Variants in ZBTB21 observed in about 807,000 individuals in gnomAD.
The protein encoded by ZBTB21 is zinc finger and BTB domain containing 21, also known as zinc finger and BTB domain-containing protein 21.
ZBTB21 carries 10 observed loss-of-function variants against 39.8 expected under a neutral mutation model. That is an observed-to-expected ratio of 0.25 (90% CI 0.16 to 0.43). The LOEUF is 0.43. Ranked by LOEUF, ZBTB21 falls within the 20% of genes least tolerant of loss-of-function variation. ZBTB21 has a pLI of 1.00. For synonymous variants in ZBTB21, 551 were observed against 498.8 expected (o/e 1.10, Z -1.40); for missense variants, 1,221 against 1,296.3 (o/e 0.94, Z 0.89).
chr21:41,994,188 T>G, intron 2 of ZBTB21, 80 bp from the exon 3 acceptor site: 5 of 1,268,262 alleles, frequency 3.9e-6, no homozygotes, highest in Non-Finnish European at 5.4e-6. Context: ...GAACATCAGC[T>G]GTCTTTGCAT....
At position 41,993,269 on chromosome 21, in the gene ZBTB21, C is replaced by T. The variant is rs368914741; in HGVS notation, c.827G>A (p.Arg276Gln). 42 of 1,612,024 alleles carry T rather than the reference C, an allele frequency of 2.6e-5. No homozygotes were observed. In the African/African-American group the frequency reaches 2.9e-4, roughly 11 times the overall value. Residue 276 changes from arginine (R) to glutamine (Q), a missense_variant, in exon 3 of 3, where the codon CGG becomes CAG. Coordinates refer to ENST00000310826, the MANE Select transcript of ZBTB21 (RefSeq NM_001098402.2). ...KALELALKRP[R>Q]PPVLSVCSSS... ...GCTACAAACAGACAAAACAGGTGGC[C>T]GTGGTCTCTTCAAAGCCAGCTCTAG...
chr21:42,009,802 C>A (rs1280797979), intron 1 of ZBTB21, among the ~76,000 whole-genome samples: 1 of 152,020 alleles, frequency 6.6e-6, no homozygotes, highest in Non-Finnish European at 1.5e-5. Flanking sequence ...CTTCCGCGCA[C>A]ACCCCGCGGC....
intron 2 of ZBTB21, among the ~76,000 whole-genome samples, chr21:41,994,661 T>C (rs559479760): frequency 6.6e-6 from 1 of 152,314 alleles, no homozygotes; most frequent in East Asian, 1.9e-4. Flanking sequence ...AGTGGCACCA[T>C]GATGGCTCAC....
intron 1 of ZBTB21, among the ~76,000 whole-genome samples, chr21:42,008,413 G>A (rs1285862500): frequency 6.7e-6 from 1 of 149,196 alleles, no homozygotes; most frequent in African/African-American, 2.5e-5. Context: ...GGCTACTCAG[G>A]AGGCTGAGGC....
At chr21:42,001,144 G>C (rs986670822) in intron 2 of ZBTB21, among the ~76,000 whole-genome samples, 1 of 152,160 alleles carries the variant, frequency 6.6e-6, no homozygotes, top group Non-Finnish European at 1.5e-5. Context: ...ACGTCATAGA[G>C]ATAAGTAGCA....
At chr21:42,003,579 T>C (rs921235096) in intron 1 of ZBTB21, among the ~76,000 whole-genome samples, 3 of 152,158 alleles carry the variant, frequency 2.0e-5, no homozygotes, top group Non-Finnish European at 4.4e-5. Flanking sequence ...TGAATATCTC[T>C]AGTCCAAAAA....
chr21:42,007,803 G>A (rs1457232276), intron 1 of ZBTB21: 1 of 152,212 alleles, frequency 6.6e-6, no homozygotes, highest in African/African-American at 2.4e-5. Context: ...TGAGGCTCAA[G>A]ACCTGGACTG....
In ZBTB21 at chr21:41,992,981, G is replaced by C. The variant is rs1167376763; in HGVS notation, c.1115C>G (p.Ala372Gly). The C allele has an allele frequency of 1.9e-6, 3 of 1,614,176 alleles. No homozygotes were observed. The highest frequency in any genetic ancestry group is 1.3e-5 in the African/African-American group (1 of 75,060). Reference sequence around the variant, plus strand: ...TAAAGCACACAACACATTCCCTGGTGCATCACTGGACACCGAAGATGATCC... The same window carrying C: ...TAAAGCACACAACACATTCCCTGGTCCATCACTGGACACCGAAGATGATCC... Reference protein sequence around the residue: ...SQGSSSVSSDAPGNVLCALSQ... With the variant: ...SQGSSSVSSDGPGNVLCALSQ... The change falls in exon 3 of 3, where the codon GCA (alanine) becomes GGA (glycine). Residue 372 changes from alanine to glycine, a missense_variant. By Grantham distance (60) the Ala-to-Gly change is moderately conservative. Transcript: ENST00000310826. The surrounding 1 kb of genome is among the most constrained non-coding windows in gnomAD (Gnocchi z 4.1).
intron 1 of ZBTB21, among the ~76,000 whole-genome samples, chr21:42,009,962 C>T (rs1014144986): frequency 6.6e-6 from 1 of 152,198 alleles, no homozygotes; most frequent in African/African-American, 2.4e-5. Context: ...GAGTGAAGCC[C>T]GTGAGGGAAT....
At chr21:42,008,519 G>A (rs2065909780) in intron 1 of ZBTB21, among the ~76,000 whole-genome samples, 1 of 124,872 alleles carries the variant, frequency 8.0e-6, no homozygotes, top group Admixed American at 8.9e-5. Context: ...CCAGCCTGGG[G>A]CAACAAGAGT....
intron 2 of ZBTB21, among the ~76,000 whole-genome samples, chr21:41,997,582 A>AAAAAAAAC (rs776195595): frequency 7.1e-6 from 1 of 140,876 alleles, no homozygotes; most frequent in African/African-American, 2.7e-5. Flanking sequence ...TCTCAAAAAA[A>AAAAAAAAC]AAAAAAACAA....
rs563074782 is a variant in ZBTB21 at position 41,992,617 on chromosome 21, C to T, written c.1479G>A (p.Pro493=). 2.8e-5 allele frequency: 46 copies of T among 1,614,148 alleles called. No homozygotes were observed. Among genetic ancestry groups the T allele is most frequent in the African/African-American group, 2.7e-4 (20 of 75,044 alleles). The change falls in exon 3 of 3, where the codon CCG becomes CCA. Residue 493 remains proline, a synonymous_variant. Coordinates refer to ENST00000310826, the MANE Select transcript of ZBTB21 (RefSeq NM_001098402.2). This position sits in a 1 kb window ranked among gnomAD's most constrained non-coding sequence, Gnocchi z 4.1. The stretch of plus-strand genomic sequence containing the variant: ...GCTCATTCACCTTTAACTTCTTAAA[C>T]GGCAATCTTCGGTCCGCTTGGAACC... The part of the protein sequence containing the change: ...KRRFQADRRL[P]FKKLKVNEHG...
In ZBTB21 at chr21:41,993,761, G is replaced by A. The variant is rs1213870432; in HGVS notation, c.335C>T (p.Ser112Phe). The A allele has an allele frequency of 7.4e-6, 12 of 1,614,214 alleles. No homozygotes were observed. The highest frequency in any genetic ancestry group is 1.7e-5 in the Admixed American group (1 of 60,032). The change falls in exon 3 of 3, where the codon TCC (serine) becomes TTC (phenylalanine). Residue 112 changes from serine to phenylalanine, a missense_variant. Ser to Phe is a radical substitution (Grantham distance 155, BLOSUM62 -2). Coordinates refer to ENST00000310826, the MANE Select transcript of ZBTB21 (RefSeq NM_001098402.2). ...VQELGYSLGI[S>F]FLTNIVSKTP... Reference sequence around the variant, plus strand: ...TTTAGAAACGATGTTAGTCAGAAAGGAAATCCCAAGACTATAGCCAAGTTC... The same window carrying A: ...TTTAGAAACGATGTTAGTCAGAAAGAAAATCCCAAGACTATAGCCAAGTTC...
chr21:42,000,249 T>C (rs2065801728), intron 2 of ZBTB21, among the ~76,000 whole-genome samples: 2 of 152,216 alleles, frequency 1.3e-5, no homozygotes, highest in African/African-American at 4.8e-5. Flanking sequence ...TCAGTTTTGA[T>C]ATCCTACACG....
intron 2 of ZBTB21, among the ~76,000 whole-genome samples, chr21:41,994,903 T>A (rs1474653558): frequency 6.6e-6 from 1 of 152,058 alleles, no homozygotes; most frequent in Admixed American, 6.5e-5. Flanking sequence ...GTAAGCCTCA[T>A]GAGATCTGAT....
Position 42,010,304 on chromosome 21 carries a change from C to G in ZBTB21, c.-131G>C, listed in dbSNP as rs998438455. 2.5e-6 allele frequency: 1 copy of G among 398,404 alleles called. No individual in the cohort carries two copies. The allele number at this position is 398,404 out of a possible 1,614,324, so 24.7% of individuals were successfully genotyped here. The stretch of plus-strand genomic sequence containing the variant: ...GGCCCCTTTCCGCTCACACTCGGCT[C>G]GCGCGCGCCGCAGCCGCCGCTGCCG... On this transcript the variant is annotated 5_prime_UTR_variant, in exon 1 of 3. Transcript: ENST00000310826.
In ZBTB21 at chr21:41,992,186, A is replaced by G; in HGVS notation, c.1910T>C (p.Ile637Thr). ...ACCAGGCTTGCCGCGCCTTAACTTA[A>G]TGATCAGGGCCTTCTTAATTTCTCT... ...REREIKKALIIKLRRGKPGFQ... is the reference protein window; with the variant it reads ...REREIKKALITKLRRGKPGFQ... The change falls in exon 3 of 3, where the codon ATT becomes ACT. Residue 637 changes from isoleucine (I) to threonine (T), a missense_variant. By Grantham distance (89) the Ile-to-Thr change is moderately conservative (BLOSUM62 -1). Transcript: ENST00000310826. The surrounding 1 kb of genome is among the most constrained non-coding windows in gnomAD (Gnocchi z 4.1). 6.2e-7 allele frequency: 1 copy of G among 1,614,068 alleles called. No homozygotes were observed. The highest frequency in any genetic ancestry group is 1.6e-4 in the Middle Eastern group (1 of 6,062).
rs1197394242 is a variant in ZBTB21, at chr21:42,010,303, T to G, written c.-130A>C. The G allele has an allele frequency of 5.0e-6, 2 of 398,482 alleles. No individual in the cohort carries two copies. The highest frequency in any genetic ancestry group is 8.8e-6 in the Non-Finnish European group (2 of 226,006). The allele number at this position is 398,482 out of a possible 1,614,324, so 24.7% of individuals were successfully genotyped here. On this transcript the variant is annotated 5_prime_UTR_variant, in exon 1 of 3. Transcript: ENST00000310826. ...GGGCCCCTTTCCGCTCACACTCGGC[T>G]CGCGCGCGCCGCAGCCGCCGCTGCC... is the stretch of plus-strand genomic sequence containing the variant.
chr21:41,999,915 C>A (rs1383902129), intron 2 of ZBTB21, among the ~76,000 whole-genome samples: 1 of 152,130 alleles, frequency 6.6e-6, no homozygotes, highest in Non-Finnish European at 1.5e-5. Flanking sequence ...AGATTCTGAG[C>A]AGAGGAATGA....
Sources: allele counts gnomAD v4.1 joint callset (sites outside exome capture counted in the v4.1 genomes callset), GRCh38; gene constraint gnomAD v4.1.1; non-coding constraint Gnocchi (gnomAD v3.1); transcripts MANE v1.5; gene names NCBI Gene and HGNC (gene_info 2026-07-23, HGNC 2026-07-21).